Variants in TNPO1 observed in about 807,000 individuals in gnomAD.
The protein encoded by TNPO1 is transportin 1.
Under a neutral mutation model 119.5 loss-of-function variants are expected in TNPO1, and 8 were observed. The ratio of observed to expected loss-of-function variants is 0.07; its 90% CI spans 0.04 to 0.12. The LOEUF (loss-of-function observed/expected upper bound fraction) is 0.12, where lower values mean the gene tolerates loss of function less well. Ranked by LOEUF, TNPO1 falls within the 10% of genes least tolerant of loss-of-function variation. The pLI is 1.00. For missense variants in TNPO1, 576 were observed against 1,089.8 expected, an observed-to-expected ratio of 0.53 and a Z score of 6.64; for synonymous variants, 362 against 363.0, an observed-to-expected ratio of 1.00 and a Z score of 0.03.
intron 7 of TNPO1, among the ~76,000 whole-genome samples, chr5:72,874,687 G>A (rs1747642295): frequency 6.6e-6 from 1 of 152,182 alleles, no homozygotes; most frequent in South Asian, 2.1e-4. Context: ...TGTCCCATTT[G>A]ATCGTTGAAT....
rs778582575 is a variant in TNPO1 at position 72,890,003 on chromosome 5, G to C, written c.1701+46G>C. ...ATTAGGGAAAATAATGTGTAGCATA[G>C]TTACAATTAATAGATTAGCATATAT... On this transcript the variant is annotated intron_variant, in intron 14 of 24. Coordinates refer to ENST00000337273, the MANE Select transcript of TNPO1 (RefSeq NM_002270.4). 12 of 1,580,314 alleles carry C rather than the reference G, an allele frequency of 7.6e-6. No individual in the cohort carries two copies. The East Asian group carries it at 2.7e-4, about 35-fold the overall frequency.
intron 18 of TNPO1, among the ~76,000 whole-genome samples, chr5:72,895,741 A>G (rs1579927790): frequency 6.6e-6 from 1 of 152,238 alleles, no homozygotes; most frequent in Admixed American, 6.5e-5. Context: ...AGGTAAAATC[A>G]TATAGCAGAG....
chr5:72,897,176 G>A (rs1174436925), intron 20 of TNPO1, 25 bp downstream of exon 20: 2 of 1,536,410 alleles, frequency 1.3e-6, no homozygotes, highest in East Asian at 2.3e-5. Context: ...AACTGTTTCA[G>A]TGAAGAGAAA....
intron 1 of TNPO1, among the ~76,000 whole-genome samples, chr5:72,827,127 G>A (rs1343790534): frequency 6.6e-6 from 1 of 152,102 alleles, no homozygotes; most frequent in Admixed American, 6.5e-5. Flanking sequence ...TGTGAATATG[G>A]GGGAAAGAGC....
At chr5:72,848,161 G>GGCA (rs560866359) in intron 1 of TNPO1, 25 of 1,206,228 alleles carry the variant, frequency 2.1e-5, no homozygotes, top group Middle Eastern at 5.8e-4. Flanking sequence ...CGGCCGCGGC[G>GGCA]GCAGCAGCAG....
At position 72,909,705 on chromosome 5, in the gene TNPO1, A is replaced by C. The variant is rs1750429138; in HGVS notation, c.*1032A>C. The C allele has an allele frequency of 1.3e-5, 2 of 152,586 alleles. No homozygotes were observed. Among genetic ancestry groups the C allele is most frequent in the Non-Finnish European group, 2.9e-5 (2 of 68,028 alleles). The allele number at this position is 152,586 out of a possible 1,614,324, so 9.5% of individuals were successfully genotyped here. On this transcript the variant is annotated 3_prime_UTR_variant, in exon 25 of 25. Coordinates refer to ENST00000337273, the MANE Select transcript of TNPO1 (RefSeq NM_002270.4). ...AGCCCTGCATTTAAAGTTCCTTTTT[A>C]AGATTTGTGGATTTTATTTTTATTA...
At chr5:72,877,998 A>G (rs1214672678) in intron 9 of TNPO1, among the ~76,000 whole-genome samples, 1 of 152,166 alleles carries the variant, frequency 6.6e-6, no homozygotes, top group African/African-American at 2.4e-5. Context: ...AATTTTAAAT[A>G]TACTATTTAA....
At chr5:72,868,349 A>G (rs189555541) in intron 6 of TNPO1, among the ~76,000 whole-genome samples, 2 of 141,586 alleles carry the variant, frequency 1.4e-5, no homozygotes, top group East Asian at 4.7e-4. Context: ...GGAGAATGGC[A>G]TGAACCTGGG....
At chr5:72,818,292 T>TA in intron 1 of TNPO1, among the ~76,000 whole-genome samples, 1 of 152,370 alleles carries the variant, frequency 6.6e-6, no homozygotes, top group East Asian at 1.9e-4. Context: ...ATTACCATTA[T>TA]ATAATGTGAG....
chr5:72,824,322 T>A (rs1388432642), intron 1 of TNPO1, among the ~76,000 whole-genome samples: 1 of 152,248 alleles, frequency 6.6e-6, no homozygotes, highest in Non-Finnish European at 1.5e-5. Flanking sequence ...AATTTTTTGT[T>A]TCCTTTGGGA....
chr5:72,841,645 C>T (rs940295142), intron 1 of TNPO1, among the ~76,000 whole-genome samples: 5 of 152,150 alleles, frequency 3.3e-5, no homozygotes, highest in Non-Finnish European at 5.9e-5. Context: ...AGCCTATAGA[C>T]TTTCTTAAAG....
At position 72,863,096 on chromosome 5, in the gene TNPO1, A is replaced by G. The variant is rs116047323; in HGVS notation, c.462+1182A>G. ...TCACTAGCATCCTTTTTGTTTGGGGAGAGAGGATGATTTCTCATGGTTAGT... is the reference window on the plus strand; with the variant it reads ...TCACTAGCATCCTTTTTGTTTGGGGGGAGAGGATGATTTCTCATGGTTAGT... On this transcript the variant is annotated intron_variant, in intron 5 of 24. Coordinates refer to ENST00000337273, the MANE Select transcript of TNPO1 (RefSeq NM_002270.4). 4.9e-3 allele frequency among the ~76,000 whole-genome samples: 741 copies of G among 150,492 alleles called. 7 individuals are homozygous for G. Among genetic ancestry groups the G allele is most frequent in the African/African-American group, 0.017 (693 of 40,808 alleles).
At chr5:72,841,530 T>G (rs1474343998) in intron 1 of TNPO1, among the ~76,000 whole-genome samples, 1 of 152,030 alleles carries the variant, frequency 6.6e-6, no homozygotes. Flanking sequence ...TTTTGTATTT[T>G]TTTAGTAGAG....
intron 23 of TNPO1, among the ~76,000 whole-genome samples, chr5:72,904,709 A>G (rs1750017459): frequency 6.6e-6 from 1 of 152,204 alleles, no homozygotes; most frequent in Non-Finnish European, 1.5e-5. Flanking sequence ...AGGCAGGAGA[A>G]TCGCTTGAAC....
At chr5:72,905,084 G>T (rs1345369206) in intron 23 of TNPO1, among the ~76,000 whole-genome samples, 2 of 152,164 alleles carry the variant, frequency 1.3e-5, no homozygotes, top group Non-Finnish European at 2.9e-5. Flanking sequence ...CCCACAACAC[G>T]TGGGAATTAT....
rs1040118543 is a variant in TNPO1 at position 72,912,330 on chromosome 5, A to G, written c.*3657A>G. On this transcript the variant is annotated 3_prime_UTR_variant, in exon 25 of 25. Transcript: ENST00000337273. ...TGGTTAAGACTTTTTCATTGATCTG[A>G]ATTGCTTAAATTGCATATATTGTAA... The G allele has an allele frequency of 2.6e-5, 4 of 152,484 alleles. No homozygotes were observed. Among genetic ancestry groups the G allele is most frequent in the African/African-American group, 9.6e-5 (4 of 41,454 alleles). The allele number at this position is 152,484 out of a possible 1,614,324, so 9.4% of individuals were successfully genotyped here.
chr5:72,816,931 G>A, intron 1 of TNPO1, 179 bp downstream of exon 1: 3 of 656,454 alleles, frequency 4.6e-6, no homozygotes, highest in Non-Finnish European at 7.0e-6. Flanking sequence ...ACAGCTGCCC[G>A]CCCAGGCGCC....
chr5:72,836,221 G>A lies in TNPO1; in HGVS notation c.16-12164G>A, dbSNP rs929694125. 3.3e-5 allele frequency among the ~76,000 whole-genome samples: 5 copies of A among 152,206 alleles called. No homozygotes were observed. The East Asian group carries it at 5.8e-4, about 18-fold the overall frequency. On this transcript the variant is annotated intron_variant, in intron 1 of 24. Transcript: ENST00000337273. ...CCCCGCTACCACAGCTCCACTAGGCGTGCCCTAGTGGGGCCTCTGCGGTGG... is the reference window on the plus strand; with the variant it reads ...CCCCGCTACCACAGCTCCACTAGGCATGCCCTAGTGGGGCCTCTGCGGTGG...
At chr5:72,833,291 T>C (rs1744558618) in intron 1 of TNPO1, among the ~76,000 whole-genome samples, 1 of 152,194 alleles carries the variant, frequency 6.6e-6, no homozygotes, top group African/African-American at 2.4e-5. Flanking sequence ...AAGATGTTTT[T>C]GCTTTAAGTG....
Sources: allele counts gnomAD v4.1 joint callset (sites outside exome capture counted in the v4.1 genomes callset), GRCh38; gene constraint gnomAD v4.1.1; transcripts MANE v1.5; gene names NCBI Gene and HGNC (gene_info 2026-07-23, HGNC 2026-07-21).